COL5A1: variants seen among roughly 807,000 people sequenced by gnomAD.
The protein encoded by COL5A1 is collagen alpha-1(V) chain.
In COL5A1, 16 loss-of-function variants were observed where a neutral mutation model predicts 263.7. The observed-to-expected ratio is 0.06, with a 90% confidence interval of 0.04 to 0.09. The LOEUF (loss-of-function observed/expected upper bound fraction) is 0.09. Ranked by LOEUF, COL5A1 falls within the 10% of genes least tolerant of loss-of-function variation. The pLI, the probability that COL5A1 is intolerant of heterozygous loss-of-function variation, is 1.00. For missense variants in COL5A1, 2,036 were observed against 2,540.5 expected (o/e 0.80, Z 4.27); for synonymous variants, 1,012 against 1,004.5 (o/e 1.01, Z -0.14).
At position 134,805,203 on chromosome 9, in the gene COL5A1, C is replaced by T. The variant is rs370321707; in HGVS notation, c.3247C>T (p.Pro1083Ser). Reference sequence around the variant, plus strand: ...AGGCAATGAAGGGCCCCCTGGCCCACCAGGCCCTGCGGTGAGTCAAAGCCT... The same window carrying T: ...AGGCAATGAAGGGCCCCCTGGCCCATCAGGCCCTGCGGTGAGTCAAAGCCT... ...LKGNEGPPGP[P>S]GPAGSPGERG... The change falls in exon 41 of 66, where the codon CCA (proline) becomes TCA (serine). Residue 1083 changes from proline (P) to serine (S), a missense_variant. By Grantham distance (74) the Pro-to-Ser change is moderately conservative (BLOSUM62 -1). Around this residue, in one of 3 missense-constraint regions of COL5A1, gnomAD observed 1,078 missense variants for 1,521.4 expected, o/e 0.71. Coordinates refer to ENST00000371817, the MANE Select transcript of COL5A1 (RefSeq NM_000093.5). 26 of 1,613,862 alleles carry T rather than the reference C, an allele frequency of 1.6e-5. No homozygotes were observed. Among genetic ancestry groups the T allele is most frequent in the African/African-American group, 5.3e-5 (4 of 74,946 alleles).
intron 41 of COL5A1, among the ~76,000 whole-genome samples, chr9:134,805,415 G>T (rs1388013765): frequency 6.6e-6 from 1 of 152,190 alleles, no homozygotes; most frequent in Non-Finnish European, 1.5e-5. Context: ...GGGTCCCAGG[G>T]GCACACCGAG....
intron 11 of COL5A1, among the ~76,000 whole-genome samples, chr9:134,744,476 T>C (rs901323389): frequency 2.7e-5 from 4 of 149,242 alleles, no homozygotes; most frequent in African/African-American, 9.9e-5. Context: ...TACATACACG[T>C]ATGCATGCAC....
intron 1 of COL5A1, among the ~76,000 whole-genome samples, chr9:134,685,424 AT>A (rs1387185522): frequency 3.0e-3 from 5 of 1,682 alleles, no homozygotes; most frequent in South Asian, 0.014. Flanking sequence ...TCATCCATCC[AT>A]CCATCCATCC....
At chr9:134,807,562 G>C (rs1479985636) in intron 42 of COL5A1, among the ~76,000 whole-genome samples, 1 of 152,210 alleles carries the variant, frequency 6.6e-6, no homozygotes, top group Non-Finnish European at 1.5e-5. Context: ...CAAGGTGCTG[G>C]GATTACAGGC....
chr9:134,814,056 G>T lies in COL5A1; in HGVS notation c.3906+20G>T. On this transcript the variant is annotated intron_variant, in intron 49 of 65. Coordinates refer to ENST00000371817, the MANE Select transcript of COL5A1 (RefSeq NM_000093.5). ...CCCCCGGTGAGTGAGCGGGCGCTGC[G>T]GGAGGGGTGGGATATGGCCGAGCGG... is the stretch of plus-strand genomic sequence containing the variant. The T allele has an allele frequency of 6.5e-7, 1 of 1,550,188 alleles. No individual in the cohort carries two copies. Among genetic ancestry groups the T allele is most frequent in the Non-Finnish European group, 8.7e-7 (1 of 1,146,618 alleles).
rs144947971 is a variant in COL5A1 at position 134,700,964 on chromosome 9, C to T, written c.492-207C>T. 4.9e-4 allele frequency among the ~76,000 whole-genome samples: 75 copies of T among 152,218 alleles called. No individual in the cohort carries two copies. Among genetic ancestry groups the T allele is most frequent in the Middle Eastern group, 3.4e-3 (1 of 294 alleles). On this transcript the variant is annotated intron_variant, in intron 3 of 65. Transcript: ENST00000371817. The surrounding 1 kb of genome is among the most constrained non-coding windows in gnomAD (Gnocchi z 4.0). ...CAGACAGCCATCCTTGTCTGAGGGA[C>T]GAGGGTTCTGGGGAATGAGTAGATC...
At chr9:134,813,922 C>G (rs1249309389) in intron 48 of COL5A1, 61 bp from the exon 49 acceptor site, 1 of 1,528,484 alleles carries the variant, frequency 6.5e-7, no homozygotes, top group Admixed American at 2.0e-5. Flanking sequence ...TGCTTGAAAC[C>G]GTAGCACTGC....
intron 4 of COL5A1, among the ~76,000 whole-genome samples, chr9:134,702,186 C>A (rs546357251): frequency 7.9e-5 from 12 of 152,296 alleles, no homozygotes; most frequent in Non-Finnish European, 1.5e-4. Context: ...GCCAGGACCC[C>A]TCCACTGGGC....
chr9:134,698,647 C>G (rs1184942402), intron 2 of COL5A1, among the ~76,000 whole-genome samples: 1 of 152,230 alleles, frequency 6.6e-6, no homozygotes, highest in Non-Finnish European at 1.5e-5. Flanking sequence ...CTGGAGTGAC[C>G]AGGGGCAGAG....
Position 134,727,271 on chromosome 9 carries a change from C to T in COL5A1, c.660C>T (p.Asp220=), listed in dbSNP as rs570691491. The T allele has an allele frequency of 1.2e-6, 2 of 1,613,828 alleles. No homozygotes were observed. Among genetic ancestry groups the T allele is most frequent in the African/African-American group, 2.7e-5 (2 of 75,008 alleles). ...RILDEEVFEG[D]IQQLLFVSDH... The stretch of plus-strand genomic sequence containing the variant: ...GAGCGTCTCTTCTTTTCCAGGGTGA[C>T]ATCCAGCAGCTGCTCTTTGTCTCGG... Residue 220 remains aspartate, a synonymous_variant, in exon 5 of 66, where the codon GAC becomes GAT. Coordinates refer to ENST00000371817, the MANE Select transcript of COL5A1 (RefSeq NM_000093.5).
chr9:134,760,135 C>T lies in COL5A1; in HGVS notation c.1936-1790C>T, dbSNP rs574818299. Among the ~76,000 whole-genome samples, 497 of 119,230 alleles carry T rather than the reference C, an allele frequency of 4.2e-3. 13 individuals are homozygous for T. Among genetic ancestry groups the T allele is most frequent in the African/African-American group, 0.017 (477 of 28,154 alleles). 78.2% of individuals were successfully genotyped at this position (119,230 alleles called of 152,430 possible). A position where few individuals can be genotyped will look rare whatever the true frequency, so the allele number is the denominator to read the frequency against. On this transcript the variant is annotated intron_variant, in intron 18 of 65. Transcript: ENST00000371817. Reference sequence around the variant, plus strand: ...ATACACGCCCACACACCCCCACACTCACATGTGCAGACACCACACATGCAC... The same window carrying T: ...ATACACGCCCACACACCCCCACACTTACATGTGCAGACACCACACATGCAC...
In COL5A1 at chr9:134,815,267, G is replaced by A. The variant is rs570754526; in HGVS notation, c.4015-309G>A. ...ACATTCCGGAAGTCTGAAGGTCCAG[G>A]TTCTAGTTGCAGCCTGGAGCTCCCA... On this transcript the variant is annotated intron_variant, in intron 50 of 65. Coordinates refer to ENST00000371817, the MANE Select transcript of COL5A1 (RefSeq NM_000093.5). 2.0e-5 allele frequency among the ~76,000 whole-genome samples: 3 copies of A among 152,364 alleles called. No homozygotes were observed. The South Asian group carries it at 6.2e-4, about 32-fold the overall frequency.
At chr9:134,644,688 C>G (rs1327251784) in intron 1 of COL5A1, among the ~76,000 whole-genome samples, 1 of 152,166 alleles carries the variant, frequency 6.6e-6, no homozygotes, top group East Asian at 1.9e-4. Context: ...TGCCTGCTTT[C>G]TTTTGGCCAA....
intron 9 of COL5A1, among the ~76,000 whole-genome samples, chr9:134,738,254 C>T (rs1271085628): frequency 1.3e-5 from 2 of 152,174 alleles, no homozygotes; most frequent in African/African-American, 4.8e-5. Flanking sequence ...TGTCACTGGC[C>T]GCTGGCCCGG....
At position 134,741,536 on chromosome 9, in the gene COL5A1, A is replaced by G. The variant is rs1435082851; in HGVS notation, c.1494+2728A>G. ...ATCTTGGCAAAGTCTGTTGATGCAG[A>G]TTCACTGGGGGCTGGCCTCCCTCTC... On this transcript the variant is annotated intron_variant, in intron 11 of 65. Transcript: ENST00000371817. The surrounding 1 kb of genome is among the most constrained non-coding windows in gnomAD (Gnocchi z 4.5). Among the ~76,000 whole-genome samples the G allele has an allele frequency of 6.6e-6, 1 of 151,194 alleles. No homozygotes were observed. The highest frequency in any genetic ancestry group is 2.4e-5 in the African/African-American group (1 of 41,148).
At chr9:134,663,687 C>A (rs1378935226) in intron 1 of COL5A1, among the ~76,000 whole-genome samples, 1 of 152,166 alleles carries the variant, frequency 6.6e-6, no homozygotes. Flanking sequence ...GAGGGAAATG[C>A]GTTGTGGTGG....
At chr9:134,719,583 G>C (rs1834382793) in intron 4 of COL5A1, among the ~76,000 whole-genome samples, 1 of 152,222 alleles carries the variant, frequency 6.6e-6, no homozygotes, top group African/African-American at 2.4e-5. Context: ...CTGGAAAACA[G>C]CACGAAGAGG....
chr9:134,810,967 A>C (rs3811151), intron 44 of COL5A1, among the ~76,000 whole-genome samples: 77,627 of 151,974 alleles, frequency 0.51, 20,407 homozygotes, highest in African/African-American at 0.64. Context: ...TGAGGATGGC[A>C]CAGCAGGGGA....
intron 64 of COL5A1, among the ~76,000 whole-genome samples, chr9:134,834,673 T>A (rs553896660): frequency 6.6e-6 from 1 of 152,124 alleles, no homozygotes; most frequent in East Asian, 1.9e-4. Flanking sequence ...CTATTCTGGG[T>A]AGGCTTCCTG....
Sources: gnomAD v4.1 joint callset for allele counts (sites outside exome capture counted in the v4.1 genomes callset) on GRCh38, gnomAD v4.1.1 for gene constraint, gnomAD v4.1.1 regional missense constraint, Gnocchi (gnomAD v3.1) non-coding constraint, MANE v1.5 for transcripts, NCBI Gene and HGNC (gene_info 2026-07-23, HGNC 2026-07-21) for gene names.